Variants in LRRFIP2 observed in about 807,000 individuals in gnomAD.
The protein encoded by LRRFIP2 is LRR binding FLII interacting protein 2.
In LRRFIP2, 109 loss-of-function variants were observed where a neutral mutation model predicts 125.9. That is an observed-to-expected ratio of 0.87 (90% CI 0.74 to 1.01). LRRFIP2 has a LOEUF of 1.01. LRRFIP2 is among the 50% of genes least tolerant of loss of function. The probability of loss-of-function intolerance (pLI) is 0.00; values close to 1 mark genes in which losing one functional copy is unlikely to be tolerated. For synonymous variants in LRRFIP2, 291 were observed against 293.1 expected (o/e 0.99, Z 0.07); for missense variants, 850 against 862.3 (o/e 0.99, Z 0.18).
intron 1 of LRRFIP2, among the ~76,000 whole-genome samples, chr3:37,156,701 A>AAAAAAAG (rs2096209705): frequency 6.7e-6 from 1 of 149,036 alleles, no homozygotes; most frequent in African/African-American, 2.5e-5. Flanking sequence ...AAAAAAAAAA[A>AAAAAAAG]AAGAAGTGTG....
chr3:37,139,246 TGAA>T (rs975120199), intron 2 of LRRFIP2, among the ~76,000 whole-genome samples: 3 of 152,112 alleles, frequency 2.0e-5, no homozygotes, highest in Admixed American at 2.0e-4. Context: ...CAAAATCACA[TGAA>T]GGAGAGGCTC....
intron 14 of LRRFIP2, among the ~76,000 whole-genome samples, chr3:37,104,638 A>G (rs2094227665): frequency 6.6e-6 from 1 of 152,216 alleles, no homozygotes; most frequent in East Asian, 1.9e-4. Context: ...ATCCGGAACA[A>G]TGTATTTTCC....
intron 2 of LRRFIP2, chr3:37,143,602 C>A: frequency 4.4e-6 from 1 of 228,154 alleles, no homozygotes; most frequent in Non-Finnish European, 9.2e-6. Context: ...CGTCAAAATT[C>A]AGAAGATTAG....
intron 1 of LRRFIP2, among the ~76,000 whole-genome samples, chr3:37,160,044 GT>G (rs1246072208): frequency 7.6e-6 from 1 of 131,274 alleles, no homozygotes; most frequent in Non-Finnish European, 1.6e-5. Context: ...CTTTAATTAA[GT>G]AGTTAGACCT....
chr3:37,095,788 C>T (rs916045729), intron 16 of LRRFIP2, among the ~76,000 whole-genome samples: 7 of 151,920 alleles, frequency 4.6e-5, no homozygotes, highest in Admixed American at 3.3e-4. Flanking sequence ...ACAACAGGCA[C>T]GCAAAACCAT....
intron 1 of LRRFIP2, among the ~76,000 whole-genome samples, chr3:37,170,152 T>C (rs1454914941): frequency 6.6e-6 from 1 of 152,166 alleles, no homozygotes; most frequent in African/African-American, 2.4e-5. Context: ...GAAAACTAAA[T>C]TTCCTCCAGT....
chr3:37,126,028 G>GTTGT (rs57103534), intron 4 of LRRFIP2, among the ~76,000 whole-genome samples: 34 of 151,224 alleles, frequency 2.2e-4, no homozygotes, highest in African/African-American at 8.0e-4. Context: ...TGTTGTTGTT[G>GTTGT]TTGTTTGTTT....
intron 16 of LRRFIP2, among the ~76,000 whole-genome samples, chr3:37,096,096 G>A (rs78784283): frequency 0.036 from 5,409 of 152,128 alleles, 103 homozygotes; most frequent in African/African-American, 0.041. Flanking sequence ...TTTGTGGCTC[G>A]CATTACATTT....
At chr3:37,101,065 TAAG>T (rs2094010535) in intron 15 of LRRFIP2, among the ~76,000 whole-genome samples, 1 of 152,122 alleles carries the variant, frequency 6.6e-6, no homozygotes, top group African/African-American at 2.4e-5. Context: ...ACGTTTCTAT[TAAG>T]AAATGTTGGC....
chr3:37,055,867 C>T (rs967953006), intron 25 of LRRFIP2, among the ~76,000 whole-genome samples: 1 of 152,164 alleles, frequency 6.6e-6, no homozygotes, highest in Non-Finnish European at 1.5e-5. Context: ...CTTCCCATCT[C>T]CCAGGTTTTG....
intron 19 of LRRFIP2, among the ~76,000 whole-genome samples, chr3:37,081,164 C>T (rs1405151350): frequency 2.6e-5 from 4 of 152,130 alleles, no homozygotes; most frequent in East Asian, 3.8e-4. Flanking sequence ...ATTACTTAAG[C>T]GTAGGAGATC....
chr3:37,084,248 GAC>G lies in LRRFIP2; in HGVS notation c.1108-444_1108-443del, dbSNP rs1373893585. On this transcript the variant is annotated intron_variant, in intron 18 of 27. Coordinates refer to ENST00000336686, the MANE Select transcript of LRRFIP2 (RefSeq NM_006309.4). ...CGCATTTGAATTTTGCCACTTTCTA[GAC>G]AGTTGTTTTTAGTACTTTCCTGTTC... is the stretch of plus-strand genomic sequence containing the variant. Among the ~76,000 whole-genome samples, 3 of 152,154 alleles carry G rather than the reference GAC, an allele frequency of 2.0e-5. No homozygotes were observed. In the South Asian group the frequency reaches 6.2e-4, roughly 31 times the overall value.
chr3:37,134,240 G>C (rs1389453911), intron 2 of LRRFIP2, among the ~76,000 whole-genome samples: 2 of 150,902 alleles, frequency 1.3e-5, no homozygotes, highest in African/African-American at 4.9e-5. Flanking sequence ...CAGAACAAAT[G>C]CATTAGGTTG....
At position 37,058,789 on chromosome 3, in the gene LRRFIP2, C is replaced by T. The variant is rs753055560; in HGVS notation, c.1870+1G>A. ...GGACTGGCCTGTCCCCTGGTACCTACTCTGCATTTCGATGAACTGCAAGTC... is the reference window on the plus strand; with the variant it reads ...GGACTGGCCTGTCCCCTGGTACCTATTCTGCATTTCGATGAACTGCAAGTC... On this transcript the variant is annotated splice_donor_variant, in intron 25 of 27. Coordinates refer to ENST00000336686, the MANE Select transcript of LRRFIP2 (RefSeq NM_006309.4). LOFTEE classifies it high-confidence loss of function. 6.2e-7 allele frequency: 1 copy of T among 1,613,934 alleles called. No individual in the cohort carries two copies. The highest frequency in any genetic ancestry group is 8.5e-7 in the Non-Finnish European group (1 of 1,179,898).
At chr3:37,082,782 A>C (rs2149041975) in intron 19 of LRRFIP2, among the ~76,000 whole-genome samples, 1 of 152,312 alleles carries the variant, frequency 6.6e-6, no homozygotes, top group Non-Finnish European at 1.5e-5. Flanking sequence ...TCTAGTCCTC[A>C]AGGAAAGAAA....
At chr3:37,153,119 G>A (rs56002549) in intron 1 of LRRFIP2, among the ~76,000 whole-genome samples, 1 of 152,126 alleles carries the variant, frequency 6.6e-6, no homozygotes, top group Non-Finnish European at 1.5e-5. Context: ...TTTAAAACCA[G>A]GCGTGGTGGC....
rs1182072569 is a variant in LRRFIP2, at chr3:37,053,643, C to G, written c.*208G>C. The G allele has an allele frequency of 1.8e-5, 10 of 558,818 alleles. No homozygotes were observed. The highest frequency in any genetic ancestry group is 2.6e-5 in the Non-Finnish European group (8 of 312,152). The allele number at this position is 558,818 out of a possible 1,614,324, so 34.6% of individuals were successfully genotyped here. The stretch of plus-strand genomic sequence containing the variant: ...ATAAAAACAGCATGGACTGGTTCTA[C>G]CCTAGAATCAAACTACAACAAAATC... On this transcript the variant is annotated 3_prime_UTR_variant, in exon 28 of 28. Transcript: ENST00000336686.
intron 18 of LRRFIP2, among the ~76,000 whole-genome samples, chr3:37,088,921 C>T (rs1261920776): frequency 1.3e-5 from 2 of 151,850 alleles, no homozygotes; most frequent in African/African-American, 4.8e-5. Context: ...CTTCCTTGAC[C>T]ACGCGCCCTC....
At position 37,108,771 on chromosome 3, in the gene LRRFIP2, A is replaced by G. The variant is rs1219473053; in HGVS notation, c.610-87T>C. ...AATGTTTTCACAATACTCAGTACCA[A>G]AAAAGTTTTGGAGAATGATATAAGT... On this transcript the variant is annotated intron_variant, in intron 11 of 27. Transcript: ENST00000336686. 3.5e-6 allele frequency: 4 copies of G among 1,158,584 alleles called. No homozygotes were observed. The African/African-American group carries it at 6.1e-5, about 18-fold the overall frequency. The allele number at this position is 1,158,584 out of a possible 1,614,324, so 71.8% of individuals were successfully genotyped here. A position where few individuals can be genotyped will look rare whatever the true frequency, so the allele number is the denominator to read the frequency against.
Sources: allele counts gnomAD v4.1 joint callset (sites outside exome capture counted in the v4.1 genomes callset), GRCh38; gene constraint gnomAD v4.1.1; transcripts MANE v1.5; gene names NCBI Gene and HGNC (gene_info 2026-07-23, HGNC 2026-07-21).